Variants in GALNTL6 observed in about 807,000 individuals in gnomAD.
The protein encoded by GALNTL6 is polypeptide N-acetylgalactosaminyltransferase like 6, also known as polypeptide N-acetylgalactosaminyltransferase-like 6.
A neutral mutation model predicts 73.7 loss-of-function variants in GALNTL6; 46 were observed. The ratio of observed to expected loss-of-function variants is 0.62; its 90% CI spans 0.49 to 0.80. The LOEUF (loss-of-function observed/expected upper bound fraction) is 0.80, where lower values mean the gene tolerates loss of function less well. GALNTL6 is among the 30% of genes least tolerant of loss of function. The pLI is 0.00. For synonymous variants in GALNTL6, 259 were observed against 263.7 expected (o/e 0.98, Z 0.17); for missense variants, 604 against 755.0 (o/e 0.80, Z 2.34).
intron 5 of GALNTL6, among the ~76,000 whole-genome samples, chr4:172,726,575 C>A (rs1056055673): frequency 6.6e-6 from 1 of 152,098 alleles, no homozygotes; most frequent in Non-Finnish European, 1.5e-5. Flanking sequence ...CTGATTGAAC[C>A]CCAACCTATA....
chr4:172,220,601 A>G (rs1191834180), intron 2 of GALNTL6, among the ~76,000 whole-genome samples: 26 of 151,842 alleles, frequency 1.7e-4, no homozygotes, highest in Non-Finnish European at 3.5e-4. Context: ...ATGATTTACA[A>G]TGGCTTTATA....
At chr4:171,929,152 C>G (rs1431811756) in intron 2 of GALNTL6, among the ~76,000 whole-genome samples, 1 of 152,098 alleles carries the variant, frequency 6.6e-6, no homozygotes, top group Admixed American at 6.5e-5. Context: ...CTGCAGCCCC[C>G]ACCTCCCAGG....
intron 2 of GALNTL6, among the ~76,000 whole-genome samples, chr4:171,847,356 G>A (rs1735401813): frequency 6.6e-6 from 1 of 152,136 alleles, no homozygotes; most frequent in Non-Finnish European, 1.5e-5. Flanking sequence ...GCCTCCAGTG[G>A]TTTTAATCAT....
At chr4:172,669,418 A>C (rs1268511862) in intron 5 of GALNTL6, among the ~76,000 whole-genome samples, 1 of 152,202 alleles carries the variant, frequency 6.6e-6, no homozygotes, top group African/African-American at 2.4e-5. Context: ...CAGAGGGCTC[A>C]CTAGAATGGA....
chr4:172,608,620 C>G (rs926394231), intron 5 of GALNTL6, among the ~76,000 whole-genome samples: 2 of 151,326 alleles, frequency 1.3e-5, no homozygotes, highest in African/African-American at 2.4e-5. Context: ...TGGGATTTTT[C>G]TCTTTTTTTT....
At chr4:173,016,584 A>G (rs1309503984) in intron 11 of GALNTL6, among the ~76,000 whole-genome samples, 1 of 152,198 alleles carries the variant, frequency 6.6e-6, no homozygotes, top group East Asian at 1.9e-4. Flanking sequence ...TGTTTTGGCC[A>G]ATTTCTCCCA....
intron 2 of GALNTL6, among the ~76,000 whole-genome samples, chr4:172,015,001 T>C (rs535548921): frequency 2.0e-5 from 3 of 152,242 alleles, no homozygotes; most frequent in African/African-American, 7.2e-5. Context: ...ATATTCTATG[T>C]GCTGATGAAA....
chr4:172,743,652 A>G (rs2332551), intron 5 of GALNTL6, among the ~76,000 whole-genome samples: 152,070 of 152,190 alleles, frequency 1, 75,976 homozygotes, highest in Non-Finnish European at 1. Context: ...GTGGACCAGT[A>G]TGATGCTCAG....
chr4:172,711,719 GGTA>G (rs377407188), intron 5 of GALNTL6, among the ~76,000 whole-genome samples: 2 of 152,140 alleles, frequency 1.3e-5, no homozygotes, highest in Admixed American at 6.5e-5. Context: ...GTGCTGAGTG[GGTA>G]GTTACAGGTA....
chr4:172,845,214 C>G (rs1743427572), intron 7 of GALNTL6, among the ~76,000 whole-genome samples: 2 of 26,904 alleles, frequency 7.4e-5, no homozygotes, highest in Non-Finnish European at 1.8e-4. Flanking sequence ...GAGTCTCTGT[C>G]TCAAAAAAAA....
At chr4:172,703,343 C>A (rs1052996467) in intron 5 of GALNTL6, among the ~76,000 whole-genome samples, 5 of 151,836 alleles carry the variant, frequency 3.3e-5, no homozygotes, top group South Asian at 2.1e-4. Context: ...TCATATATCA[C>A]CTTTATTGTT....
chr4:172,563,094 T>C (rs1341783598), intron 5 of GALNTL6, among the ~76,000 whole-genome samples: 1 of 152,222 alleles, frequency 6.6e-6, no homozygotes, highest in Non-Finnish European at 1.5e-5. Context: ...GTTGCTCAAG[T>C]GTTTTAATAA....
At chr4:172,381,789 A>G (rs560233216) in intron 5 of GALNTL6, among the ~76,000 whole-genome samples, 13 of 152,328 alleles carry the variant, frequency 8.5e-5, no homozygotes, top group Non-Finnish European at 1.6e-4. Flanking sequence ...ACTTGAGTGT[A>G]TACTTAGGAG....
intron 11 of GALNTL6, 54 bp downstream of exon 11, chr4:173,009,348 G>A: frequency 9.9e-7 from 1 of 1,007,058 alleles, no homozygotes. Flanking sequence ...GGCTGATGCA[G>A]ACACAGAGGG....
intron 3 of GALNTL6, among the ~76,000 whole-genome samples, chr4:172,239,002 C>A (rs936555951): frequency 2.6e-5 from 4 of 152,014 alleles, no homozygotes; most frequent in Admixed American, 6.6e-5. Context: ...GTTCAATTTG[C>A]TAGTATTTTA....
intron 5 of GALNTL6, among the ~76,000 whole-genome samples, chr4:172,806,578 G>T (rs1740974603): frequency 1.3e-5 from 2 of 152,132 alleles, no homozygotes; most frequent in African/African-American, 4.8e-5. Flanking sequence ...CTGTAATGGA[G>T]CTATAGGAAA....
chr4:172,468,782 G>T (rs1732933565), intron 5 of GALNTL6, among the ~76,000 whole-genome samples: 1 of 152,144 alleles, frequency 6.6e-6, no homozygotes, highest in South Asian at 2.1e-4. Flanking sequence ...GGACTTAAAT[G>T]GGCCTTGAAT....
At chr4:172,975,774 C>T (rs772847369) in intron 10 of GALNTL6, among the ~76,000 whole-genome samples, 3 of 152,166 alleles carry the variant, frequency 2.0e-5, no homozygotes, top group Admixed American at 2.0e-4. Context: ...CAGTGCCATC[C>T]GGAGCACACA....
At chr4:171,900,403 G>A (rs1289788795) in intron 2 of GALNTL6, among the ~76,000 whole-genome samples, 1 of 152,052 alleles carries the variant, frequency 6.6e-6, no homozygotes, top group East Asian at 1.9e-4. Flanking sequence ...TGCCTCCCAG[G>A]TTCAAGCGAT....
Sources: allele counts gnomAD v4.1 joint callset (sites outside exome capture counted in the v4.1 genomes callset), GRCh38; gene constraint gnomAD v4.1.1; transcripts MANE v1.5; gene names NCBI Gene and HGNC (gene_info 2026-07-23, HGNC 2026-07-21).